The following TAS2R10 variants were observed in gnomAD, a reference collection of about 807,000 sequenced individuals.
TAS2R10 encodes taste 2 receptor member 10.
For synonymous variants in TAS2R10, 144 were observed against 126.6 expected, an observed-to-expected ratio of 1.14 and a Z score of -0.92; for missense variants, 385 against 362.0, an observed-to-expected ratio of 1.06 and a Z score of -0.52.
chr12:10,825,444 T>C (rs1212850857), exon 1 of TAS2R10: 2 of 1,613,572 alleles, frequency 1.2e-6, no homozygotes, highest in African/African-American at 1.3e-5. Context: ...AGAATTAAGA[T>C]AAATGAGTGA....
chr12:10,826,061 A>T, exon 1 of TAS2R10: 3 of 1,613,184 alleles, frequency 1.9e-6, no homozygotes, highest in Non-Finnish European at 2.5e-6. Flanking sequence ...ATTTGGAGAG[A>T]ATATCTGTAT....
exon 1 of TAS2R10, chr12:10,825,387 A>G (rs1474923911): frequency 1.2e-6 from 2 of 1,612,400 alleles, no homozygotes; most frequent in South Asian, 1.1e-5. Context: ...CAGCACTTCA[A>G]TTGCTGCAGT....
In TAS2R10 at chr12:10,826,126, G is replaced by A. The variant is rs141582408; in HGVS notation, c.144C>T (p.Thr48=). The stretch of plus-strand genomic sequence containing the variant: ...GAAAAATTCTTGAAATAGCTAAGCC[G>A]GTGAGAATAAAGCCAATCGTAGATA... The change falls in exon 1 of 1, where the codon ACC becomes ACT. Residue 48 remains threonine, a synonymous_variant. Transcript: ENST00000240619. 62 of 1,613,286 alleles carry A rather than the reference G, an allele frequency of 3.8e-5. 1 individual carries two copies. In the African/African-American group the frequency reaches 4.0e-4, roughly 10 times the overall value.
exon 1 of TAS2R10, chr12:10,825,504 T>C (rs779568643): frequency 6.2e-7 from 1 of 1,613,776 alleles, no homozygotes; most frequent in South Asian, 1.1e-5. Flanking sequence ...AGCAGCAGTT[T>C]GTTTTCTCGC....
At chr12:10,825,888 C>T (rs1591615920) in exon 1 of TAS2R10, 3 of 1,613,250 alleles carry the variant, frequency 1.9e-6, no homozygotes, top group Non-Finnish European at 2.5e-6. Context: ...AAGGGAAGAA[C>T]CATATTTGTT....
At chr12:10,825,608 G>A (rs1185676923) in exon 1 of TAS2R10, 2 of 1,613,730 alleles carry the variant, frequency 1.2e-6, no homozygotes, top group Admixed American at 3.3e-5. Flanking sequence ...CTTCACATGA[G>A]CTTCTGTGTT....
exon 1 of TAS2R10, chr12:10,825,345 T>A: frequency 6.2e-7 from 1 of 1,602,062 alleles, no homozygotes; most frequent in Non-Finnish European, 8.5e-7. Flanking sequence ...TCCCAAGGTG[T>A]CTATGTGACT....
chr12:10,825,560 A>G (rs774126898), exon 1 of TAS2R10: 3 of 1,613,630 alleles, frequency 1.9e-6, no homozygotes, highest in Non-Finnish European at 2.5e-6. Context: ...AAAATACAAG[A>G]TAAAGAGGAT....
exon 1 of TAS2R10, chr12:10,825,483 T>C (rs766585716): frequency 6.2e-7 from 1 of 1,613,768 alleles, no homozygotes; most frequent in Admixed American, 1.7e-5. Flanking sequence ...GTGGTTGTCA[T>C]TCCAAACATA....
At chr12:10,825,219 G>A (rs1361278345), downstream of TAS2R10, 1 of 750,396 alleles carries the variant, frequency 1.3e-6, no homozygotes, top group East Asian at 2.7e-5. Flanking sequence ...AACAATTATG[G>A]AAGATTTCAG....
exon 1 of TAS2R10, chr12:10,825,445 A>G (rs1206536596): frequency 1.2e-6 from 2 of 1,613,612 alleles, no homozygotes; most frequent in Non-Finnish European, 1.7e-6. Context: ...GAATTAAGAT[A>G]AATGAGTGAC....
At chr12:10,825,685 A>G (rs1300647201) in exon 1 of TAS2R10, 1 of 1,613,688 alleles carries the variant, frequency 6.2e-7, no homozygotes, top group East Asian at 2.2e-5. Context: ...AAATGATTAA[A>G]AAAATACATG....
In TAS2R10 at chr12:10,825,658, G is replaced by T. The variant is rs557063897; in HGVS notation, c.612C>A (p.Asn204Lys). ...CTGTCACATTCGATTGCATCTGCCT[G>T]TTGTGTCTCCAAAGGGAAATGATTA... The change falls in exon 1 of 1, where the codon AAC becomes AAA. Residue 204 changes from asparagine (N) to lysine (K), a missense_variant. Asn to Lys is a moderately conservative substitution (Grantham distance 94). Transcript: ENST00000240619. 3.8e-5 allele frequency: 61 copies of T among 1,613,648 alleles called. No individual in the cohort carries two copies. In the South Asian group the frequency reaches 4.8e-4, roughly 13 times the overall value.
exon 1 of TAS2R10, chr12:10,825,851 G>A (rs200125524): frequency 1.6e-4 from 258 of 1,612,378 alleles, no homozygotes; most frequent in African/African-American, 1.3e-4. Flanking sequence ...ATTAAGTAAC[G>A]ATGAAATAAG....
rs150561679 is a variant in TAS2R10, at chr12:10,825,591, T to C, written c.679A>G (p.Lys227Glu). 5 of 1,613,674 alleles carry C rather than the reference T, an allele frequency of 3.1e-6. No individual in the cohort carries two copies. Among genetic ancestry groups the C allele is most frequent in the African/African-American group, 1.3e-5 (1 of 74,896 alleles). Residue 227 changes from lysine to glutamate, a missense_variant, in exon 1 of 1, where the codon AAA (lysine) becomes GAA (glutamate). Transcript: ENST00000240619. ...AGGATGATGAAAGATATCAAAACTT[T>C]CATTGCCTTCACATGAGCTTCTGTG...
chr12:10,825,393 G>T (rs1166102506), exon 1 of TAS2R10: 1 of 1,613,328 alleles, frequency 6.2e-7, no homozygotes, highest in South Asian at 1.1e-5. Flanking sequence ...TTCAATTGCT[G>T]CAGTACCCTC....
chr12:10,825,873 T>C lies in TAS2R10; in HGVS notation c.397A>G (p.Ile133Val), dbSNP rs778953464. The C allele has an allele frequency of 2.1e-5, 34 of 1,613,168 alleles. No homozygotes were observed. In the East Asian group the frequency reaches 6.5e-4, roughly 31 times the overall value. The change falls in exon 1 of 1, where the codon ATA becomes GTA. Residue 133 changes from isoleucine to valine, a missense_variant. Transcript: ENST00000240619. ...AACGATGAAATAAGTAAGAATACTA[T>C]CATGAAGGGAAGAACCATATTTGTT...
At chr12:10,825,448 T>A in exon 1 of TAS2R10, 1 of 1,613,698 alleles carries the variant, frequency 6.2e-7, no homozygotes, top group Middle Eastern at 1.6e-4. Context: ...TTAAGATAAA[T>A]GAGTGACCCC....
At chr12:10,825,637 C>A in exon 1 of TAS2R10, 1 of 1,613,636 alleles carries the variant, frequency 6.2e-7, no homozygotes. Flanking sequence ...TCAATCCTGT[C>A]ACATTCGATT....
Sources: gnomAD v4.1 joint callset for allele counts on GRCh38, gnomAD v4.1.1 for gene constraint, MANE v1.5 for transcripts, NCBI Gene and HGNC (gene_info 2026-07-23, HGNC 2026-07-21) for gene names.